DLGAP2: variants seen among roughly 807,000 people sequenced by gnomAD.
DLGAP2 encodes the protein DLG associated protein 2.
DLGAP2 carries 26 observed loss-of-function variants against 100.3 expected under a neutral mutation model. The observed-to-expected ratio is 0.26, with a 90% CI of 0.19 to 0.36. The LOEUF (loss-of-function observed/expected upper bound fraction) is 0.36, where lower values mean the gene tolerates loss of function less well. DLGAP2 is among the 10% of genes least tolerant of loss of function. DLGAP2 has a pLI of 1.00. For missense variants in DLGAP2, 1,858 were observed against 1,453.2 expected (o/e 1.28, Z -4.53); for synonymous variants, 886 against 630.1 (o/e 1.41, Z -6.08).
At chr8:926,502 C>T (rs912992620) in intron 2 of DLGAP2, among the ~76,000 whole-genome samples, 2 of 152,198 alleles carry the variant, frequency 1.3e-5, no homozygotes, top group Non-Finnish European at 2.9e-5. Flanking sequence ...GTAAACAGAT[C>T]CCAGGAACCC....
intron 2 of DLGAP2, among the ~76,000 whole-genome samples, chr8:1,047,761 A>G (rs971543821): frequency 6.6e-6 from 1 of 151,884 alleles, no homozygotes; most frequent in Non-Finnish European, 1.5e-5. Context: ...ATCAGCCTTC[A>G]TGCCCTAATC....
At chr8:1,264,332 A>G (rs1799409702) in intron 3 of DLGAP2, among the ~76,000 whole-genome samples, 1 of 152,070 alleles carries the variant, frequency 6.6e-6, no homozygotes, top group Admixed American at 6.6e-5. Flanking sequence ...TGGTGGAAAC[A>G]CTGTAATTGA....
At chr8:1,199,505 C>T (rs1434151310) in intron 2 of DLGAP2, among the ~76,000 whole-genome samples, 1 of 152,170 alleles carries the variant, frequency 6.6e-6, no homozygotes, top group Non-Finnish European at 1.5e-5. Context: ...GTGAAGGCTG[C>T]CTGTGTGTCT....
chr8:1,478,747 G>T (rs1799008536), intron 3 of DLGAP2, among the ~76,000 whole-genome samples: 1 of 152,182 alleles, frequency 6.6e-6, no homozygotes, highest in Admixed American at 6.5e-5. Flanking sequence ...CCACCCACCA[G>T]TCGGCTCCTC....
chr8:1,608,672 A>C (rs1326083603), intron 6 of DLGAP2, among the ~76,000 whole-genome samples: 262 of 136,572 alleles, frequency 1.9e-3, no homozygotes, highest in African/African-American at 6.9e-3. Flanking sequence ...TAACTAGAAT[A>C]ACCAATACAG....
chr8:1,640,488 G>A lies in DLGAP2; in HGVS notation c.1810+7442G>A, dbSNP rs371462591. Among the ~76,000 whole-genome samples the A allele has an allele frequency of 1.8e-4, 28 of 152,306 alleles. No individual in the cohort carries two copies. The East Asian group carries it at 1.9e-3, about 11-fold the overall frequency. Reference sequence around the variant, plus strand: ...CCGAGATGTCCCAGGGAATCTGAACGTCTTCCCAGCCGCTCAGGATGTCTC... The same window carrying A: ...CCGAGATGTCCCAGGGAATCTGAACATCTTCCCAGCCGCTCAGGATGTCTC... On this transcript the variant is annotated intron_variant, in intron 8 of 14. Coordinates refer to ENST00000637795, the MANE Select transcript of DLGAP2 (RefSeq NM_001346810.2).
chr8:798,030 G>A (rs567917495), intron 1 of DLGAP2, among the ~76,000 whole-genome samples: 3 of 152,326 alleles, frequency 2.0e-5, no homozygotes, highest in South Asian at 2.1e-4. Context: ...GATTACAGGC[G>A]TGAGCCACCA....
At chr8:1,512,748 G>A (rs34643341) in intron 4 of DLGAP2, among the ~76,000 whole-genome samples, 22,316 of 152,306 alleles carry the variant, frequency 0.15, 1,793 homozygotes, top group Non-Finnish European at 0.16. Context: ...CTCAGACTTC[G>A]CAGCTTTGAC....
intron 7 of DLGAP2, 41 bp downstream of exon 7, chr8:1,626,928 C>T (rs1414280442): frequency 6.4e-7 from 1 of 1,554,482 alleles, no homozygotes; most frequent in Non-Finnish European, 8.7e-7. Flanking sequence ...GTCCAGTCTC[C>T]CCAGCCAGGC....
intron 2 of DLGAP2, among the ~76,000 whole-genome samples, chr8:1,186,138 C>G (rs1011797021): frequency 1.3e-5 from 2 of 152,226 alleles, no homozygotes; most frequent in Non-Finnish European, 1.5e-5. Context: ...GCTTTGCGCC[C>G]TTGTCTGCGG....
intron 1 of DLGAP2, among the ~76,000 whole-genome samples, chr8:871,922 C>T (rs1398018364): frequency 6.6e-6 from 1 of 152,044 alleles, no homozygotes; most frequent in Non-Finnish European, 1.5e-5. Context: ...CATTTTTTGT[C>T]TACTTGGTGT....
chr8:1,115,497 A>G (rs1227817756), intron 2 of DLGAP2, among the ~76,000 whole-genome samples: 1 of 152,228 alleles, frequency 6.6e-6, no homozygotes, highest in Non-Finnish European at 1.5e-5. Context: ...TAACTACTTT[A>G]TAAAAATATT....
intron 3 of DLGAP2, among the ~76,000 whole-genome samples, chr8:1,449,732 T>A (rs1798084627): frequency 6.6e-6 from 1 of 151,852 alleles, no homozygotes; most frequent in Admixed American, 6.6e-5. Context: ...AGCCTTGCTG[T>A]AAGGATGCAG....
At chr8:1,353,402 A>G (rs111789913) in intron 3 of DLGAP2, among the ~76,000 whole-genome samples, 20 of 152,236 alleles carry the variant, frequency 1.3e-4, no homozygotes, top group Non-Finnish European at 2.6e-4. Flanking sequence ...TTTTGCTTTC[A>G]GTACCATGGT....
At chr8:1,537,853 A>C (rs1044374092) in intron 4 of DLGAP2, among the ~76,000 whole-genome samples, 4 of 152,244 alleles carry the variant, frequency 2.6e-5, no homozygotes, top group Non-Finnish European at 4.4e-5. Flanking sequence ...TCTAATATTC[A>C]GAGAAAAGAG....
At chr8:1,554,028 C>G (rs971621777) in intron 5 of DLGAP2, among the ~76,000 whole-genome samples, 2 of 152,172 alleles carry the variant, frequency 1.3e-5, no homozygotes, top group African/African-American at 2.4e-5. Context: ...TGGCTCACAC[C>G]TGTCATCCTA....
At chr8:1,356,930 C>T (rs909643393) in intron 3 of DLGAP2, among the ~76,000 whole-genome samples, 5 of 152,216 alleles carry the variant, frequency 3.3e-5, no homozygotes, top group Non-Finnish European at 7.3e-5. Flanking sequence ...CTACAGCGCA[C>T]GTTCATTCGG....
chr8:1,053,176 T>C (rs1364073667), intron 2 of DLGAP2, among the ~76,000 whole-genome samples: 1 of 152,184 alleles, frequency 6.6e-6, no homozygotes, highest in Non-Finnish European at 1.5e-5. Context: ...GAAATCAAAA[T>C]AGAAGCGCGG....
At chr8:1,281,121 C>T (rs1441173827) in intron 3 of DLGAP2, among the ~76,000 whole-genome samples, 1 of 152,192 alleles carries the variant, frequency 6.6e-6, no homozygotes, top group East Asian at 1.9e-4. Flanking sequence ...TCTTATAGTG[C>T]CTAACCCACC....
Sources: gnomAD v4.1 joint callset for allele counts (sites outside exome capture counted in the v4.1 genomes callset) on GRCh38, gnomAD v4.1.1 for gene constraint, MANE v1.5 for transcripts, NCBI Gene and HGNC (gene_info 2026-07-23, HGNC 2026-07-21) for gene names.